Variants in AP4M1 observed in about 807,000 individuals in gnomAD.
The protein encoded by AP4M1 is adaptor related protein complex 4 subunit mu 1.
Under a neutral mutation model 62.4 loss-of-function variants are expected in AP4M1, and 58 were observed. The ratio of observed to expected loss-of-function variants is 0.93; its 90% CI spans 0.75 to 1.16. The LOEUF (loss-of-function observed/expected upper bound fraction) is 1.16. Ranked by LOEUF, AP4M1 falls within the 50% of genes most tolerant of loss-of-function variation. The pLI is 0.00. For synonymous variants in AP4M1, 290 were observed against 239.7 expected (o/e 1.21, Z -1.94); for missense variants, 626 against 585.4 (o/e 1.07, Z -0.72).
rs542969032 is a variant in AP4M1 at position 100,107,932 on chromosome 7, G to A, written c.*1050G>A. On this transcript the variant is annotated 3_prime_UTR_variant, in exon 15 of 15. Coordinates refer to ENST00000359593, the MANE Select transcript of AP4M1 (RefSeq NM_004722.4). ...GTCCCACAGCTCTGCATACCTGCTG[G>A]GTGGATGGGGCGCTGGAGGACGATG... 2 of 1,609,292 alleles carry A rather than the reference G, an allele frequency of 1.2e-6. No homozygotes were observed. The highest frequency in any genetic ancestry group is 1.3e-5 in the African/African-American group (1 of 74,994).
chr7:100,101,413 C>T, upstream of AP4M1: 1 of 1,405,148 alleles, frequency 7.1e-7, no homozygotes, highest in Non-Finnish European at 9.9e-7. Context: ...GAAACGTCGC[C>T]CCCCACGTGA....
In AP4M1 at chr7:100,108,756, G is replaced by A. The variant is rs1193259771; in HGVS notation, c.*1874G>A. 6 of 480,938 alleles carry A rather than the reference G, an allele frequency of 1.2e-5. No individual in the cohort carries two copies. Among genetic ancestry groups the A allele is most frequent in the Non-Finnish European group, 2.2e-5 (6 of 271,968 alleles). The allele number at this position is 480,938 out of a possible 1,614,324, so 29.8% of individuals were successfully genotyped here. A position where few individuals can be genotyped will look rare whatever the true frequency, so the allele number is the denominator to read the frequency against. On this transcript the variant is annotated 3_prime_UTR_variant, in exon 15 of 15. Coordinates refer to ENST00000359593, the MANE Select transcript of AP4M1 (RefSeq NM_004722.4). ...TCTCATAAGAAAAGATGGGCACGGG[G>A]CCAGGTGCAGCATCTTAGGCCTGTA...
chr7:100,107,639 AG>A lies in AP4M1; in HGVS notation c.*759del. On this transcript the variant is annotated 3_prime_UTR_variant, in exon 15 of 15. Coordinates refer to ENST00000359593, the MANE Select transcript of AP4M1 (RefSeq NM_004722.4). ...GGGACAGGACCTGGATAGAAAGGAAAGGCAGGCCGCTTGCCCTGTGCCCTCC... is the reference window on the plus strand; with the variant it reads ...GGGACAGGACCTGGATAGAAAGGAAAGCAGGCCGCTTGCCCTGTGCCCTCC... 6.2e-7 allele frequency: 1 copy of A among 1,608,414 alleles called. No individual in the cohort carries two copies. Among genetic ancestry groups the A allele is most frequent in the Non-Finnish European group, 8.5e-7 (1 of 1,178,204 alleles).
At chr7:100,103,368 C>A (rs1293260990) in intron 4 of AP4M1, 41 bp from the exon 5 acceptor site, 3 of 1,554,756 alleles carry the variant, frequency 1.9e-6, no homozygotes, top group Non-Finnish European at 2.7e-6. Flanking sequence ...TTTACCCCTT[C>A]CCTCCACTGA....
intron 7 of AP4M1, 53 bp downstream of exon 7, chr7:100,104,207 A>C: frequency 2.0e-6 from 3 of 1,524,004 alleles, no homozygotes; most frequent in Non-Finnish European, 2.7e-6. Flanking sequence ...CTTGGGAAAC[A>C]TGGTGGGGTG....
At chr7:100,104,694 G>A (rs1191163785) in intron 7 of AP4M1, among the ~76,000 whole-genome samples, 180 bp from the exon 8 acceptor site, 1 of 152,166 alleles carries the variant, frequency 6.6e-6, no homozygotes, top group Non-Finnish European at 1.5e-5. Context: ...AGCTACTTAT[G>A]GTGGCAGGCA....
At chr7:100,101,313 G>C (rs202151130), upstream of AP4M1, 1 of 1,613,042 alleles carries the variant, frequency 6.2e-7, no homozygotes, top group African/African-American at 1.3e-5. Context: ...AGGGCCGTGC[G>C]GCCGCGCTTG....
intron 2 of AP4M1, 32 bp from the exon 3 acceptor site, chr7:100,102,643 T>G (rs1562905450): frequency 1.2e-6 from 2 of 1,603,156 alleles, no homozygotes; most frequent in South Asian, 2.2e-5. Flanking sequence ...TCCCTTTTTT[T>G]AACGCCTCTC....
chr7:100,101,416 C>T, upstream of AP4M1: 1 of 1,368,726 alleles, frequency 7.3e-7, no homozygotes, highest in South Asian at 1.2e-5. Context: ...ACGTCGCCCC[C>T]CACGTGACCG....
intron 4 of AP4M1, 22 bp from the exon 5 acceptor site, chr7:100,103,387 A>G: frequency 6.2e-7 from 1 of 1,602,010 alleles, no homozygotes; most frequent in Non-Finnish European, 8.6e-7. Flanking sequence ...GATCACTCAG[A>G]CTGTCCTTCC....
rs762494123 is a variant in AP4M1, at chr7:100,101,733, A to G, written c.19A>G (p.Ile7Val). ...AACGGCCATGATTTCCCAATTCTTC[A>G]TTCTGTCCTCCAAGGGGGACCCGCT... is the stretch of plus-strand genomic sequence containing the variant. MISQFF[I>V]LSSKGDPLIY... Residue 7 changes from isoleucine (I) to valine (V), a missense_variant, in exon 1 of 15, where the codon ATT (isoleucine) becomes GTT (valine). Ile to Val is a conservative substitution (Grantham distance 29). Coordinates refer to ENST00000359593, the MANE Select transcript of AP4M1 (RefSeq NM_004722.4). 1.3e-5 allele frequency: 21 copies of G among 1,559,854 alleles called. No homozygotes were observed. In the East Asian group the frequency reaches 4.5e-4, roughly 34 times the overall value.
chr7:100,106,593 G>GC, intron 14 of AP4M1, 65 bp from the exon 15 acceptor site: 1 of 1,441,398 alleles, frequency 6.9e-7, no homozygotes, highest in Non-Finnish European at 9.5e-7. Flanking sequence ...AGCAGCTGCT[G>GC]CCTGGTTCCC....
At chr7:100,101,124 G>T (rs564021817), upstream of AP4M1, 6 of 1,075,366 alleles carry the variant, frequency 5.6e-6, no homozygotes, top group Admixed American at 6.4e-5. Context: ...CCTTAGCCAG[G>T]CCGCAGCTCG....
chr7:100,101,361 T>A (rs1051771257), upstream of AP4M1: 3 of 1,604,838 alleles, frequency 1.9e-6, no homozygotes, highest in Admixed American at 1.7e-5. Context: ...AAGCTGAGAA[T>A]CTCCGCGCGG....
At chr7:100,103,362 C>T (rs1796215452) in intron 4 of AP4M1, 47 bp from the exon 5 acceptor site, 2 of 1,534,818 alleles carry the variant, frequency 1.3e-6, no homozygotes, top group Non-Finnish European at 1.8e-6. Context: ...CCCCTCTTTA[C>T]CCCTTCCCTC....
chr7:100,106,556 C>T, intron 14 of AP4M1, 42 bp downstream of exon 14: 2 of 1,593,560 alleles, frequency 1.3e-6, no homozygotes, highest in Non-Finnish European at 1.7e-6. Context: ...CCCACATTCA[C>T]TTGCAGCCCC....
rs781616312 is a variant in AP4M1, at chr7:100,105,323, C to T, written c.811C>T (p.Arg271Cys). 5.6e-6 allele frequency: 9 copies of T among 1,614,126 alleles called. No individual in the cohort carries two copies. Among genetic ancestry groups the T allele is most frequent in the South Asian group, 2.2e-5 (2 of 91,086 alleles). ...CGAATTTGAGTCTCATCGAATCCTC[C>T]GCTTGCAACCACCTCAGGGCGAGGT... ...LDEFESHRILRLQPPQGELTV... is the reference protein window; with the variant it reads ...LDEFESHRILCLQPPQGELTV... The change falls in exon 10 of 15, where the codon CGC (arginine) becomes TGC (cysteine). Residue 271 changes from arginine to cysteine, a missense_variant. Transcript: ENST00000359593.
In AP4M1 at chr7:100,105,556, G is replaced by C. The variant is rs1227829098; in HGVS notation, c.929+17G>C. 5 of 1,606,998 alleles carry C rather than the reference G, an allele frequency of 3.1e-6. No individual in the cohort carries two copies. The Admixed American group carries it at 6.7e-5, about 21-fold the overall frequency. ...CTCAGGCCGGTGAGACAATTTCCTGGGTTCTAGAACTACCTTGGAACCCAA... is the reference window on the plus strand; with the variant it reads ...CTCAGGCCGGTGAGACAATTTCCTGCGTTCTAGAACTACCTTGGAACCCAA... On this transcript the variant is annotated intron_variant, in intron 11 of 14. Coordinates refer to ENST00000359593, the MANE Select transcript of AP4M1 (RefSeq NM_004722.4).
In AP4M1 at chr7:100,105,278, C is replaced by T. The variant is rs759428856; in HGVS notation, c.766C>T (p.His256Tyr). The change falls in exon 10 of 15, where the codon CAC (histidine) becomes TAC (tyrosine). Residue 256 changes from histidine to tyrosine, a missense_variant. By Grantham distance (83) the His-to-Tyr change is moderately conservative (BLOSUM62 2). Coordinates refer to ENST00000359593, the MANE Select transcript of AP4M1 (RefSeq NM_004722.4). ...AATCCGGGTCGATGAAGTCTCGTTT[C>T]ACAGCTCTGTGAATCTGGACGAATT... Reference protein sequence around the residue: ...PGIRVDEVSFHSSVNLDEFES... With the variant: ...PGIRVDEVSFYSSVNLDEFES... 2.5e-6 allele frequency: 4 copies of T among 1,614,050 alleles called. No individual in the cohort carries two copies. Among genetic ancestry groups the T allele is most frequent in the Non-Finnish European group, 3.4e-6 (4 of 1,180,046 alleles).
Sources: gnomAD v4.1 joint callset for allele counts (sites outside exome capture counted in the v4.1 genomes callset) on GRCh38, gnomAD v4.1.1 for gene constraint, MANE v1.5 for transcripts, NCBI Gene and HGNC (gene_info 2026-07-23, HGNC 2026-07-21) for gene names.